Variants in CCNH observed in about 807,000 individuals in gnomAD.
CCNH encodes the protein cyclin H.
Under a neutral mutation model 41.9 loss-of-function variants are expected in CCNH, and 31 were observed. The observed-to-expected ratio is 0.74, with a 90% CI of 0.56 to 1.00. The LOEUF is 1.00. Among genes scored for constraint, CCNH ranks in the 50% least tolerant of loss-of-function variants. The pLI is 0.00. For missense variants in CCNH, 362 were observed against 388.4 expected, an observed-to-expected ratio of 0.93 and a Z score of 0.57; for synonymous variants, 138 against 136.1, an observed-to-expected ratio of 1.01 and a Z score of -0.10.
At chr5:87,338,091 G>A (rs749648509) in intron 9 of CCNH, 1 of 1,611,696 alleles carries the variant, frequency 6.2e-7, no homozygotes, top group Non-Finnish European at 8.5e-7. Flanking sequence ...TAGAAGAGGT[G>A]GTAAGTTTTG....
At chr5:87,386,081 C>T (rs1000910654) in intron 9 of CCNH, among the ~76,000 whole-genome samples, 27 of 152,122 alleles carry the variant, frequency 1.8e-4, no homozygotes, top group African/African-American at 5.5e-4. Flanking sequence ...CTCCTCACAG[C>T]CTTGCCAGAA....
At position 87,411,305 on chromosome 5, in the gene CCNH, T is replaced by C. The variant is rs778568558; in HGVS notation, c.159A>G (p.Glu53=). The change falls in exon 2 of 9, where the codon GAA becomes GAG. Residue 53 remains glutamate (E), a synonymous_variant. Transcript: ENST00000256897. The part of the protein sequence containing the change: ...NDPVFLEPHE[E]MTLCKYYEKR... ...TCTCATAGTATTTGCAGAGTGTCAT[T>C]TCTTCATGAGGCTCAAGAAAGACTG... 21 of 1,612,352 alleles carry C rather than the reference T, an allele frequency of 1.3e-5. No individual in the cohort carries two copies. In the East Asian group the frequency reaches 4.7e-4, roughly 36 times the overall value.
intron 9 of CCNH, among the ~76,000 whole-genome samples, chr5:87,338,781 ATTCT>A (rs1300232857): frequency 1.3e-5 from 2 of 151,418 alleles, no homozygotes; most frequent in Non-Finnish European, 2.9e-5. Context: ...TTGGTTTTAG[ATTCT>A]TTATCTTTCA....
rs115805233 is a variant in CCNH, at chr5:87,340,472, G to T, written c.*91-21575C>A. Among the ~76,000 whole-genome samples the T allele has an allele frequency of 7.6e-3, 1,155 of 151,780 alleles. 17 individuals are homozygous for T. Among genetic ancestry groups the T allele is most frequent in the African/African-American group, 0.027 (1,135 of 41,438 alleles). ...ATATAGTAACATTCAGTGAGTGTTT[G>T]ATTTTAGTTTGATTAGGTATTTAAT... On this transcript the variant is annotated intron_variant and NMD_transcript_variant, in intron 9 of 9. Coordinates refer to the CCNH transcript ENST00000645953.
chr5:87,365,517 GAAGTT>G (rs761760467), intron 9 of CCNH, among the ~76,000 whole-genome samples: 28 of 152,134 alleles, frequency 1.8e-4, no homozygotes, highest in Non-Finnish European at 3.7e-4. Flanking sequence ...GATTAACAGA[GAAGTT>G]AAAATTGTTT....
intron 9 of CCNH, among the ~76,000 whole-genome samples, chr5:87,369,310 C>G (rs772087191): frequency 1.3e-5 from 2 of 152,096 alleles, no homozygotes; most frequent in Non-Finnish European, 2.9e-5. Flanking sequence ...CACAACTGTT[C>G]ACTTAAACTC....
downstream of CCNH, among the ~76,000 whole-genome samples, chr5:87,316,251 C>G (rs1286361182): frequency 6.6e-6 from 1 of 152,156 alleles, no homozygotes; most frequent in African/African-American, 2.4e-5. Flanking sequence ...GCTATGGTAC[C>G]TGGAAGATAA....
At chr5:87,405,774 A>G (rs1180637097) in intron 4 of CCNH, among the ~76,000 whole-genome samples, 3 of 151,836 alleles carry the variant, frequency 2.0e-5, no homozygotes, top group African/African-American at 7.3e-5. Context: ...TCTGGTCCTC[A>G]TTTCTCTCCT....
At chr5:87,374,990 TTAAAA>T (rs974000615), downstream of CCNH, 102 of 1,518,522 alleles carry the variant, frequency 6.7e-5, no homozygotes, top group African/African-American at 1.7e-4. Context: ...AATGAAAGTC[TTAAAA>T]TAGAAATTAA....
At chr5:87,407,818 G>C (rs960937487) in intron 4 of CCNH, among the ~76,000 whole-genome samples, 158 bp downstream of exon 4, 1 of 152,168 alleles carries the variant, frequency 6.6e-6, no homozygotes, top group Non-Finnish European at 1.5e-5. Flanking sequence ...GATGCCCACT[G>C]AAGTTTGAAA....
intron 7 of CCNH, among the ~76,000 whole-genome samples, chr5:87,397,914 T>C (rs914473969): frequency 1.3e-5 from 2 of 152,208 alleles, no homozygotes; most frequent in African/African-American, 2.4e-5. Context: ...ATAGGTGATA[T>C]ATAAACGAAT....
rs774133026 is a variant in CCNH at position 87,376,382 on chromosome 5, T to A, written n.799A>T. Reference sequence around the variant, plus strand: ...CTTTTTAAACAATAATTGCTTGTTTTTCTTCCCAAGTATTTATGCGCTGCC... The same window carrying A: ...CTTTTTAAACAATAATTGCTTGTTTATCTTCCCAAGTATTTATGCGCTGCC... On this transcript the variant is annotated non_coding_transcript_exon_variant, in exon 1 of 1. Coordinates refer to the CCNH transcript ENST00000607486. 1.5e-5 allele frequency: 25 copies of A among 1,613,716 alleles called. No individual in the cohort carries two copies. The highest frequency in any genetic ancestry group is 2.0e-5 in the Non-Finnish European group (24 of 1,179,914).
intron 9 of CCNH, among the ~76,000 whole-genome samples, chr5:87,355,569 G>A (rs1415216564): frequency 6.6e-6 from 1 of 152,186 alleles, no homozygotes; most frequent in African/African-American, 2.4e-5. Context: ...GATGTACAAG[G>A]AGATTGTTGT....
chr5:87,376,310 G>A (rs1344745763), exon 1 of CCNH: 2 of 1,494,118 alleles, frequency 1.3e-6, no homozygotes, highest in Non-Finnish European at 1.8e-6. Flanking sequence ...CCATAGGGAA[G>A]ACTGAACACC....
chr5:87,391,800 CTTG>C (rs1271214480), downstream of CCNH: 4 of 231,824 alleles, frequency 1.7e-5, no homozygotes, highest in African/African-American at 4.4e-5. Flanking sequence ...CTTCTGACTA[CTTG>C]TTGTATCTGC....
intron 9 of CCNH, among the ~76,000 whole-genome samples, chr5:87,342,468 A>G (rs1758543314): frequency 1.3e-5 from 2 of 152,278 alleles, no homozygotes; most frequent in South Asian, 2.1e-4. Flanking sequence ...TAGGAGTTGC[A>G]AATTCTAATT....
chr5:87,356,538 C>G (rs1759665526), intron 9 of CCNH, among the ~76,000 whole-genome samples: 1 of 152,056 alleles, frequency 6.6e-6, no homozygotes, highest in African/African-American at 2.4e-5. Context: ...TGCAGGTGTA[C>G]ACCACCGTGC....
At chr5:87,321,829 C>T (rs973784417) in intron 9 of CCNH, among the ~76,000 whole-genome samples, 2 of 152,172 alleles carry the variant, frequency 1.3e-5, no homozygotes, top group African/African-American at 4.8e-5. Flanking sequence ...GGGAAGACCC[C>T]CCATAGGACC....
intron 7 of CCNH, among the ~76,000 whole-genome samples, chr5:87,397,221 G>A (rs1237220665): frequency 6.6e-6 from 1 of 151,178 alleles, no homozygotes; most frequent in East Asian, 1.9e-4. Context: ...GGAGTGCAAT[G>A]GCGTGATCTT....
Sources: gnomAD v4.1 joint callset for allele counts (sites outside exome capture counted in the v4.1 genomes callset) on GRCh38, gnomAD v4.1.1 for gene constraint, MANE v1.5 for transcripts, NCBI Gene and HGNC (gene_info 2026-07-23, HGNC 2026-07-21) for gene names.